Variants in FOXN3 observed in about 807,000 individuals in gnomAD.
FOXN3 encodes forkhead box N3, also known as forkhead box protein N3.
FOXN3 carries 7 observed loss-of-function variants against 38.4 expected under a neutral mutation model. That is an observed-to-expected ratio of 0.18 (90% CI 0.10 to 0.34). FOXN3 has a LOEUF of 0.34. Ranked by LOEUF, FOXN3 falls within the 10% of genes least tolerant of loss-of-function variation. The probability of loss-of-function intolerance (pLI) is 1.00; values close to 1 mark genes in which losing one functional copy is unlikely to be tolerated. For missense variants in FOXN3, 456 were observed against 613.4 expected (o/e 0.74, Z 2.71); for synonymous variants, 230 against 242.2 (o/e 0.95, Z 0.47).
intron 4 of FOXN3, among the ~76,000 whole-genome samples, chr14:89,217,870 G>A (rs1884337224): frequency 6.6e-6 from 1 of 152,192 alleles, no homozygotes; most frequent in Non-Finnish European, 1.5e-5. Flanking sequence ...CTGCTGCCGG[G>A]CCTGGCTCGC....
At chr14:89,258,423 CGATGATGATGAT>C (rs1273774394) in intron 4 of FOXN3, among the ~76,000 whole-genome samples, 2 of 152,086 alleles carry the variant, frequency 1.3e-5, no homozygotes, top group Non-Finnish European at 2.9e-5. Context: ...ATGATGATGA[CGATGATGATGAT>C]GCCACTTTTC....
chr14:89,516,881 G>A (rs956561029), intron 1 of FOXN3, among the ~76,000 whole-genome samples: 1 of 152,156 alleles, frequency 6.6e-6, no homozygotes, highest in African/African-American at 2.4e-5. Flanking sequence ...TTTTAAAAGC[G>A]GACATTCCAT....
chr14:89,464,665 G>C (rs552922421), intron 1 of FOXN3, among the ~76,000 whole-genome samples: 1 of 152,036 alleles, frequency 6.6e-6, no homozygotes, highest in Non-Finnish European at 1.5e-5. Context: ...AATCATGGGG[G>C]CAGTTACCCC....
chr14:89,315,305 T>C (rs896291755), intron 3 of FOXN3, among the ~76,000 whole-genome samples: 4 of 152,152 alleles, frequency 2.6e-5, no homozygotes, highest in African/African-American at 4.8e-5. Flanking sequence ...CTTGATGAGA[T>C]AGCACAAATA....
chr14:89,353,715 C>T (rs1889074683), intron 2 of FOXN3: 1 of 152,176 alleles, frequency 6.6e-6, no homozygotes, highest in African/African-American at 2.4e-5. Flanking sequence ...TTGGTCAGTT[C>T]ATTGTGGCCA....
chr14:89,274,751 A>C (rs147412432), intron 4 of FOXN3, among the ~76,000 whole-genome samples: 3 of 152,286 alleles, frequency 2.0e-5, no homozygotes, highest in African/African-American at 7.2e-5. Flanking sequence ...TGAACTTCTC[A>C]AGGAGGCAGT....
chr14:89,241,505 T>A (rs1482527981), intron 4 of FOXN3, among the ~76,000 whole-genome samples: 1 of 152,188 alleles, frequency 6.6e-6, no homozygotes, highest in African/African-American at 2.4e-5. Context: ...TCCTCCTTTC[T>A]GGCTGTGTGA....
intron 1 of FOXN3, among the ~76,000 whole-genome samples, chr14:89,428,744 G>A (rs80350892): frequency 1.3e-5 from 2 of 152,200 alleles, no homozygotes; most frequent in Admixed American, 1.3e-4. Flanking sequence ...ACGTCAGAGA[G>A]ACCTCAGCGC....
At chr14:89,205,909 C>T (rs761159414) in intron 4 of FOXN3, among the ~76,000 whole-genome samples, 9 of 152,214 alleles carry the variant, frequency 5.9e-5, no homozygotes, top group African/African-American at 1.2e-4. Flanking sequence ...ATCCCTGTCA[C>T]GCGCCCTGGG....
At chr14:89,367,407 G>C (rs369499929) in intron 2 of FOXN3, among the ~76,000 whole-genome samples, 51 of 152,308 alleles carry the variant, frequency 3.3e-4, no homozygotes, top group African/African-American at 1.2e-3. Context: ...AACCATCTCC[G>C]ACCCACATGT....
intron 1 of FOXN3, among the ~76,000 whole-genome samples, chr14:89,541,302 G>A (rs946892634): frequency 9.9e-5 from 15 of 152,254 alleles, no homozygotes; most frequent in African/African-American, 2.4e-4. Flanking sequence ...ATTCCCAGAC[G>A]GTGAAGGCAT....
chr14:89,304,541 T>G (rs1285485530), intron 3 of FOXN3, among the ~76,000 whole-genome samples: 3 of 152,148 alleles, frequency 2.0e-5, no homozygotes, highest in African/African-American at 7.2e-5. Context: ...TAAGGGCTGT[T>G]TTTTTAGAAA....
At chr14:89,336,884 ATAACTT>A (rs1212809887) in intron 3 of FOXN3, among the ~76,000 whole-genome samples, 3 of 152,220 alleles carry the variant, frequency 2.0e-5, no homozygotes, top group Non-Finnish European at 4.4e-5. Context: ...TGGTTTTCCT[ATAACTT>A]TAACTTCAAC....
chr14:89,465,264 T>A (rs1279063761), intron 1 of FOXN3, among the ~76,000 whole-genome samples: 1 of 152,156 alleles, frequency 6.6e-6, no homozygotes, highest in Non-Finnish European at 1.5e-5. Context: ...AGAGTCTTGC[T>A]CTGTTGCCAG....
At chr14:89,303,503 A>C (rs1375659744) in intron 3 of FOXN3, among the ~76,000 whole-genome samples, 4 of 118,160 alleles carry the variant, frequency 3.4e-5, no homozygotes, top group Non-Finnish European at 8.1e-5. Flanking sequence ...TGCTAAAAAA[A>C]AAAAACAAAA....
rs1264499166 is a variant in FOXN3 at position 89,180,924 on chromosome 14, A to ATGCATG, written c.746-119_746-118insCATGCA. ...AGAGAGAGAGACAGAGGGCAGAGAC[A>ATGCATG]GAGAGAAACACACACACACACGTGC... On this transcript the variant is annotated intron_variant, in intron 4 of 5. Transcript: ENST00000557258. The ATGCATG allele has an allele frequency of 1.0e-5, 5 of 496,614 alleles. No individual in the cohort carries two copies. In the East Asian group the frequency reaches 1.3e-4, roughly 13 times the overall value. 30.8% of individuals were successfully genotyped at this position (496,614 alleles called of 1,614,324 possible). A position where few individuals can be genotyped will look rare whatever the true frequency, so the allele number is the denominator to read the frequency against.
At chr14:89,208,109 CACTGT>C (rs1566929421) in intron 4 of FOXN3, among the ~76,000 whole-genome samples, 1 of 152,182 alleles carries the variant, frequency 6.6e-6, no homozygotes, top group East Asian at 1.9e-4. Context: ...CAGCAGGCAT[CACTGT>C]ACATAATGAG....
intron 3 of FOXN3, among the ~76,000 whole-genome samples, chr14:89,331,899 G>C (rs1888257791): frequency 6.6e-6 from 1 of 152,098 alleles, no homozygotes; most frequent in Admixed American, 6.5e-5. Flanking sequence ...TAGATTACTT[G>C]TTCCCAAATT....
At chr14:89,485,143 C>T (rs1180347075) in intron 1 of FOXN3, among the ~76,000 whole-genome samples, 1 of 98,738 alleles carries the variant, frequency 1.0e-5, no homozygotes, top group Non-Finnish European at 2.4e-5. Flanking sequence ...CAGAGCAAGA[C>T]TCTCTCAAAA....
Sources: allele counts gnomAD v4.1 joint callset (sites outside exome capture counted in the v4.1 genomes callset), GRCh38; gene constraint gnomAD v4.1.1; transcripts MANE v1.5; gene names NCBI Gene and HGNC (gene_info 2026-07-23, HGNC 2026-07-21).